DSCAM: variants seen among roughly 807,000 people sequenced by gnomAD.
DSCAM encodes the protein cell adhesion molecule DSCAM.
Under a neutral mutation model 217.7 loss-of-function variants are expected in DSCAM, and 47 were observed. The ratio of observed to expected loss-of-function variants is 0.22; its 90% CI spans 0.17 to 0.28. The LOEUF is 0.28. Among genes scored for constraint, DSCAM ranks in the 10% least tolerant of loss-of-function variants. DSCAM has a pLI of 1.00. For missense variants in DSCAM, 2,080 were observed against 2,618.3 expected (o/e 0.79, Z 4.49); for synonymous variants, 1,056 against 1,015.3 (o/e 1.04, Z -0.76).
chr21:40,737,329 A>C, intron 1 of DSCAM, among the ~76,000 whole-genome samples: 1 of 152,116 alleles, frequency 6.6e-6, no homozygotes, highest in South Asian at 2.1e-4. Context: ...CAGTTACTGG[A>C]GAGGTTTGCT....
At chr21:40,097,967 AAAGAAAGAAAGAAAG>A (rs2089702444) in intron 20 of DSCAM, among the ~76,000 whole-genome samples, 2 of 57,994 alleles carry the variant, frequency 3.4e-5, no homozygotes, top group South Asian at 8.7e-4. Context: ...AGAAAGAAAG[AAAGAAAGAAAGAAAG>A]AAAGAAAGAA....
intron 1 of DSCAM, among the ~76,000 whole-genome samples, chr21:40,809,627 T>G (rs891523645): frequency 6.6e-6 from 1 of 152,216 alleles, no homozygotes; most frequent in African/African-American, 2.4e-5. Context: ...TGGACTGCAC[T>G]TGCTTCACTT....
intron 1 of DSCAM, among the ~76,000 whole-genome samples, chr21:40,787,823 G>GA (rs398101639): frequency 2.6e-5 from 4 of 151,736 alleles, no homozygotes; most frequent in South Asian, 4.2e-4. Context: ...AAAATACAGG[G>GA]AAAAAATGAC....
chr21:40,514,390 C>T (rs1199638159), intron 3 of DSCAM, among the ~76,000 whole-genome samples: 2 of 152,196 alleles, frequency 1.3e-5, no homozygotes, highest in African/African-American at 4.8e-5. Context: ...TAAAACAGGG[C>T]TCACTGTTAG....
intron 1 of DSCAM, among the ~76,000 whole-genome samples, chr21:40,816,969 G>A (rs532926712): frequency 6.6e-6 from 1 of 152,246 alleles, no homozygotes; most frequent in East Asian, 1.9e-4. Context: ...GAACTTTGGA[G>A]GTGAATTTCA....
intron 19 of DSCAM, among the ~76,000 whole-genome samples, chr21:40,128,699 CAA>C (rs527919207): frequency 5.7e-3 from 509 of 89,018 alleles, no homozygotes; most frequent in African/African-American, 0.01. Flanking sequence ...CATAACCAAA[CAA>C]AAAAAAAAAA....
chr21:40,385,343 C>G (rs1008961222), intron 3 of DSCAM: 3 of 152,190 alleles, frequency 2.0e-5, no homozygotes, highest in Non-Finnish European at 4.4e-5. Context: ...AAAGCTCCAT[C>G]AAGCATGCAT....
intron 1 of DSCAM, among the ~76,000 whole-genome samples, chr21:40,724,849 G>T (rs1219614175): frequency 6.6e-6 from 1 of 152,188 alleles, no homozygotes; most frequent in Non-Finnish European, 1.5e-5. Flanking sequence ...ACTATGTTCA[G>T]AAGTGCTTCA....
At chr21:40,168,269 A>G (rs897773721) in intron 15 of DSCAM, among the ~76,000 whole-genome samples, 5 of 152,242 alleles carry the variant, frequency 3.3e-5, no homozygotes, top group African/African-American at 7.2e-5. Context: ...CAGGGAGCCA[A>G]TGAGAGACAA....
intron 20 of DSCAM, among the ~76,000 whole-genome samples, chr21:40,110,494 TA>T (rs1440267642): frequency 2.6e-5 from 4 of 152,262 alleles, no homozygotes; most frequent in Admixed American, 6.5e-5. Flanking sequence ...CTGGAAACTC[TA>T]AAAATCAGAA....
chr21:40,325,600 A>G (rs1382755015), intron 8 of DSCAM, among the ~76,000 whole-genome samples: 1 of 152,244 alleles, frequency 6.6e-6, no homozygotes, highest in East Asian at 1.9e-4. Flanking sequence ...CAAAGCAGGA[A>G]GAAGTAGCAG....
intron 1 of DSCAM, among the ~76,000 whole-genome samples, chr21:40,718,825 C>T (rs891646257): frequency 1.3e-5 from 2 of 151,958 alleles, no homozygotes; most frequent in Admixed American, 1.3e-4. Flanking sequence ...AAAGATAGTC[C>T]AACAAAAATG....
chr21:40,560,000 A>G (rs1385530742), intron 3 of DSCAM, among the ~76,000 whole-genome samples: 1 of 151,948 alleles, frequency 6.6e-6, no homozygotes. Flanking sequence ...TCACCGTGTT[A>G]GCCAGGATGG....
intron 4 of DSCAM, among the ~76,000 whole-genome samples, chr21:40,357,038 T>C (rs567830168): frequency 3.9e-5 from 6 of 152,296 alleles, no homozygotes; most frequent in Admixed American, 1.3e-4. Flanking sequence ...AATACTCTTT[T>C]AAAGAATACT....
intron 1 of DSCAM, among the ~76,000 whole-genome samples, chr21:40,762,267 T>C (rs893536996): frequency 6.7e-6 from 1 of 148,330 alleles, no homozygotes; most frequent in Admixed American, 6.8e-5. Context: ...AATAAAAAAA[T>C]GATAAAGGGG....
intron 3 of DSCAM, among the ~76,000 whole-genome samples, chr21:40,602,703 A>G (rs2077071819): frequency 6.6e-6 from 1 of 152,122 alleles, no homozygotes. Flanking sequence ...TCCAATATTA[A>G]TAATTCATGT....
intron 1 of DSCAM, among the ~76,000 whole-genome samples, chr21:40,733,838 G>T (rs1383764164): frequency 6.6e-6 from 1 of 152,092 alleles, no homozygotes; most frequent in Admixed American, 6.5e-5. Context: ...TTTGGTTCTG[G>T]GGTTTAGGAT....
chr21:40,338,682 C>T (rs1217154241), intron 7 of DSCAM, among the ~76,000 whole-genome samples: 4 of 152,194 alleles, frequency 2.6e-5, no homozygotes, highest in Non-Finnish European at 2.9e-5. Context: ...TGGACAATCA[C>T]GCACTTTTGG....
intron 3 of DSCAM, among the ~76,000 whole-genome samples, chr21:40,601,928 T>TA (rs1568931494): frequency 1.3e-5 from 2 of 152,184 alleles, no homozygotes. Context: ...TTTTATTGAG[T>TA]AATTTTGTAT....
Sources: gnomAD v4.1 joint callset for allele counts (sites outside exome capture counted in the v4.1 genomes callset) on GRCh38, gnomAD v4.1.1 for gene constraint, MANE v1.5 for transcripts, NCBI Gene and HGNC (gene_info 2026-07-23, HGNC 2026-07-21) for gene names.